The following PLEKHG7 variants were observed in gnomAD, a reference collection of about 807,000 sequenced individuals.
PLEKHG7 encodes pleckstrin homology and RhoGEF domain containing G7.
Under a neutral mutation model 85.2 loss-of-function variants are expected in PLEKHG7, and 77 were observed. The observed-to-expected ratio is 0.90, with a 90% confidence interval of 0.75 to 1.09. The LOEUF (loss-of-function observed/expected upper bound fraction) is 1.09, where lower values mean the gene tolerates loss of function less well. Ranked by LOEUF, PLEKHG7 falls within the 50% of genes least tolerant of loss-of-function variation. The pLI is 0.00. For synonymous variants in PLEKHG7, 301 were observed against 302.4 expected (o/e 1.00, Z 0.05); for missense variants, 777 against 804.3 (o/e 0.97, Z 0.41).
intron 13 of PLEKHG7, 60 bp from the exon 14 acceptor site, chr12:92,761,692 G>A: frequency 7.0e-7 from 1 of 1,433,686 alleles, no homozygotes; most frequent in Admixed American, 3.2e-5. Context: ...GAAAGGGAAA[G>A]AAAAACTCTT....
rs1309358095 is a variant in PLEKHG7, at chr12:92,771,889, AAT to A, written c.*1700_*1701del. ...AGAGACAGACTGACTAAATTAACAA[AAT>A]ATATAAAACAGCTCAAGAATATGCT... On this transcript the variant is annotated 3_prime_UTR_variant, in exon 17 of 17. Transcript: ENST00000344636. 2 of 152,050 alleles carry A rather than the reference AAT, an allele frequency of 1.3e-5. No homozygotes were observed. The highest frequency in any genetic ancestry group is 2.9e-5 in the Non-Finnish European group (2 of 67,926). The allele number at this position is 152,050 out of a possible 1,614,324, so 9.4% of individuals were successfully genotyped here.
intron 4 of PLEKHG7, among the ~76,000 whole-genome samples, chr12:92,731,232 G>T (rs1328609659): frequency 6.6e-6 from 1 of 152,132 alleles, no homozygotes; most frequent in East Asian, 1.9e-4. Flanking sequence ...ATCTAAGTGT[G>T]GTGAAGCTGA....
chr12:92,723,391 A>C (rs1871699720), intron 3 of PLEKHG7, among the ~76,000 whole-genome samples: 1 of 152,232 alleles, frequency 6.6e-6, no homozygotes, highest in Non-Finnish European at 1.5e-5. Context: ...TCATTCATTC[A>C]TATTCATCAG....
intron 10 of PLEKHG7, among the ~76,000 whole-genome samples, chr12:92,747,288 C>T (rs931294037): frequency 3.3e-5 from 5 of 149,716 alleles, no homozygotes; most frequent in African/African-American, 4.9e-5. Context: ...CATCACTAAT[C>T]GTCAAGGAAA....
intron 13 of PLEKHG7, among the ~76,000 whole-genome samples, chr12:92,759,017 A>G (rs779006829): frequency 1.3e-5 from 2 of 152,190 alleles, no homozygotes; most frequent in Non-Finnish European, 2.9e-5. Flanking sequence ...TATAAATGTT[A>G]TTGCTGCTGC....
chr12:92,756,039 A>T, intron 12 of PLEKHG7, 99 bp downstream of exon 12: 1 of 848,316 alleles, frequency 1.2e-6, no homozygotes, highest in Non-Finnish European at 1.9e-6. Flanking sequence ...TGTCCACTTG[A>T]AGAATAAATC....
At chr12:92,763,935 T>G (rs767039465) in intron 14 of PLEKHG7, 106 bp from the exon 15 acceptor site, 19 of 945,270 alleles carry the variant, frequency 2.0e-5, no homozygotes, top group Non-Finnish European at 2.9e-5. Context: ...CAATAATAGT[T>G]TTTAGGCAAT....
chr12:92,752,920 G>A (rs1490467229), intron 10 of PLEKHG7, among the ~76,000 whole-genome samples: 1 of 152,120 alleles, frequency 6.6e-6, no homozygotes, highest in Non-Finnish European at 1.5e-5. Context: ...CTCACATGGT[G>A]AAAAGAGAGC....
At chr12:92,727,114 G>A (rs898874818) in intron 3 of PLEKHG7, among the ~76,000 whole-genome samples, 5 of 152,104 alleles carry the variant, frequency 3.3e-5, no homozygotes, top group African/African-American at 1.2e-4. Context: ...GTAGATGTAT[G>A]GGGAGTTTTT....
At chr12:92,768,707 T>C (rs1592691898) in intron 15 of PLEKHG7, among the ~76,000 whole-genome samples, 2 of 152,288 alleles carry the variant, frequency 1.3e-5, no homozygotes, top group South Asian at 4.1e-4. Flanking sequence ...AGGGGCCCCA[T>C]TACCTAAGCC....
At chr12:92,750,715 G>A (rs1330551204) in intron 10 of PLEKHG7, among the ~76,000 whole-genome samples, 4 of 152,106 alleles carry the variant, frequency 2.6e-5, no homozygotes, top group African/African-American at 7.2e-5. Flanking sequence ...GAAATCAGCC[G>A]CTAAAGCATA....
chr12:92,740,972 G>A (rs761322272), intron 8 of PLEKHG7, 24 bp downstream of exon 8: 1 of 1,509,018 alleles, frequency 6.6e-7, no homozygotes, highest in Admixed American at 1.7e-5. Context: ...GAAGATTCAT[G>A]TTTTAACATT....
intron 7 of PLEKHG7, 24 bp from the exon 8 acceptor site, chr12:92,740,829 G>A (rs992340668): frequency 2.0e-6 from 3 of 1,474,054 alleles, no homozygotes; most frequent in African/African-American, 1.4e-5. Flanking sequence ...AGAAATTAAT[G>A]TGTATATATT....
intron 3 of PLEKHG7, among the ~76,000 whole-genome samples, chr12:92,709,857 AC>A (rs1449366673): frequency 2.0e-5 from 3 of 152,252 alleles, no homozygotes; most frequent in African/African-American, 7.2e-5. Context: ...AGCCTGGCCA[AC>A]ATAGTGAAAC....
chr12:92,756,419 C>T, intron 13 of PLEKHG7, 28 bp downstream of exon 13: 2 of 1,526,500 alleles, frequency 1.3e-6, no homozygotes, highest in Non-Finnish European at 1.8e-6. Flanking sequence ...TTAAAAAACC[C>T]AACATCTGTG....
rs771622221 is a variant in PLEKHG7 at position 92,761,808 on chromosome 12, A to G, written c.1693A>G (p.Thr565Ala). The G allele has an allele frequency of 6.3e-7, 1 of 1,578,158 alleles. No individual in the cohort carries two copies. Among genetic ancestry groups the G allele is most frequent in the Non-Finnish European group, 8.6e-7 (1 of 1,167,748 alleles). ...LFLFNDFLLVTKTKCNKKKLG... is the reference protein window; with the variant it reads ...LFLFNDFLLVAKTKCNKKKLG... ...TCTCTTCAATGATTTCCTCTTAGTT[A>G]CGAAAACTAAGTGCAACAAAAAGGT... is the stretch of plus-strand genomic sequence containing the variant. Residue 565 changes from threonine to alanine, a missense_variant, in exon 14 of 17, where the codon ACG becomes GCG. Physicochemically the swap from Thr to Ala is moderately conservative, Grantham distance 58. Coordinates refer to ENST00000344636, the MANE Select transcript of PLEKHG7 (RefSeq NM_001377329.1).
intron 15 of PLEKHG7, 88 bp from the exon 16 acceptor site, chr12:92,768,895 A>C: frequency 1.1e-6 from 1 of 936,586 alleles, no homozygotes; most frequent in Non-Finnish European, 1.6e-6. Flanking sequence ...GCCAAATAGA[A>C]AACAAACCCC....
In PLEKHG7 at chr12:92,772,386, A is replaced by C. The variant is rs1165722884; in HGVS notation, c.*2191A>C. 1.3e-5 allele frequency: 2 copies of C among 151,936 alleles called. No homozygotes were observed. The highest frequency in any genetic ancestry group is 3.2e-3 in the Middle Eastern group (1 of 316). 9.4% of individuals were successfully genotyped at this position (151,936 alleles called of 1,614,324 possible). On this transcript the variant is annotated 3_prime_UTR_variant, in exon 17 of 17. Coordinates refer to ENST00000344636, the MANE Select transcript of PLEKHG7 (RefSeq NM_001377329.1). ...TTACTATTCGAAATTGAACAACATT[A>C]AAACACCACTGTCTATATCCAAGTG...
intron 3 of PLEKHG7, among the ~76,000 whole-genome samples, chr12:92,728,763 G>A (rs1871897873): frequency 6.6e-6 from 1 of 152,000 alleles, no homozygotes. Flanking sequence ...TAGATAGTCA[G>A]TAGTGGGATT....
Sources: gnomAD v4.1 joint callset for allele counts (sites outside exome capture counted in the v4.1 genomes callset) on GRCh38, gnomAD v4.1.1 for gene constraint, MANE v1.5 for transcripts, NCBI Gene and HGNC (gene_info 2026-07-23, HGNC 2026-07-21) for gene names.